Variants in MED27 observed in about 807,000 individuals in gnomAD.
MED27 encodes mediator complex subunit 27.
A neutral mutation model predicts 38.2 loss-of-function variants in MED27; 30 were observed. The observed-to-expected ratio is 0.79, with a 90% CI of 0.59 to 1.07. The LOEUF is 1.07. Among genes scored for constraint, MED27 ranks in the 50% least tolerant of loss-of-function variants. MED27 has a pLI of 0.00. For missense variants in MED27, 289 were observed against 397.5 expected, an observed-to-expected ratio of 0.73 and a Z score of 2.32; for synonymous variants, 122 against 153.5, an observed-to-expected ratio of 0.79 and a Z score of 1.52.
intron 4 of MED27, among the ~76,000 whole-genome samples, chr9:131,898,123 A>T (rs1829865235): frequency 6.9e-6 from 1 of 145,338 alleles, no homozygotes; most frequent in Admixed American, 6.8e-5. Flanking sequence ...TTTTTTGGCA[A>T]GATGACTTCC....
chr9:131,989,126 C>T (rs183266782), intron 3 of MED27, among the ~76,000 whole-genome samples: 1 of 152,274 alleles, frequency 6.6e-6, no homozygotes, highest in Admixed American at 6.5e-5. Context: ...CATTATCTCA[C>T]TTAAACTCTG....
chr9:131,997,516 C>T lies in MED27; in HGVS notation c.479+16821G>A, dbSNP rs751244323. Among the ~76,000 whole-genome samples, 31 of 152,290 alleles carry T rather than the reference C, an allele frequency of 2.0e-4. No homozygotes were observed. Among genetic ancestry groups the T allele is most frequent in the African/African-American group, 1.2e-4 (5 of 41,564 alleles). On this transcript the variant is annotated intron_variant, in intron 3 of 7. Coordinates refer to ENST00000292035, the MANE Select transcript of MED27 (RefSeq NM_004269.4). The surrounding 1 kb of genome is among the most constrained non-coding windows in gnomAD (Gnocchi z 4.0). Reference sequence around the variant, plus strand: ...TGCTGCAGAGATCCCCTGGGTTGACCGAGGCGTTGCCAGCCCTGCACTGTA... The same window carrying T: ...TGCTGCAGAGATCCCCTGGGTTGACTGAGGCGTTGCCAGCCCTGCACTGTA...
At position 132,051,859 on chromosome 9, in the gene MED27, C is replaced by T. The variant is rs1350769649; in HGVS notation, c.348+25583G>A. Among the ~76,000 whole-genome samples, 1 of 152,110 alleles carries T rather than the reference C, an allele frequency of 6.6e-6. No homozygotes were observed. Among genetic ancestry groups the T allele is most frequent in the Non-Finnish European group, 1.5e-5 (1 of 68,028 alleles). On this transcript the variant is annotated intron_variant, in intron 2 of 7. Transcript: ENST00000292035. The surrounding 1 kb of genome is among the most constrained non-coding windows in gnomAD (Gnocchi z 4.2). Reference sequence around the variant, plus strand: ...ATATCACATTAAAACCAGAAGAATCCCGATGGACGAGACTGAGGTGCCAAA... The same window carrying T: ...ATATCACATTAAAACCAGAAGAATCTCGATGGACGAGACTGAGGTGCCAAA...
intron 4 of MED27, among the ~76,000 whole-genome samples, chr9:131,916,507 T>C (rs1830290947): frequency 6.6e-6 from 1 of 152,190 alleles, no homozygotes; most frequent in Non-Finnish European, 1.5e-5. Context: ...TTTGGTAAAA[T>C]ACAAACCCTA....
At chr9:131,930,680 A>G (rs1830568504) in intron 4 of MED27, among the ~76,000 whole-genome samples, 1 of 152,220 alleles carries the variant, frequency 6.6e-6, no homozygotes, top group African/African-American at 2.4e-5. Flanking sequence ...GAAGGTACAA[A>G]ATTTGCTGGT....
chr9:132,005,147 T>C (rs989001299), intron 3 of MED27, among the ~76,000 whole-genome samples: 2 of 152,132 alleles, frequency 1.3e-5, no homozygotes, highest in Non-Finnish European at 2.9e-5. Flanking sequence ...AAAACGGACA[T>C]TTCAGCAACT....
At chr9:132,021,878 C>G (rs1480854030) in intron 2 of MED27, among the ~76,000 whole-genome samples, 1 of 152,188 alleles carries the variant, frequency 6.6e-6, no homozygotes, top group African/African-American at 2.4e-5. Context: ...AGGTGACCAT[C>G]TGCAAACCAG....
At chr9:132,059,041 C>G (rs1833643621) in intron 2 of MED27, among the ~76,000 whole-genome samples, 1 of 152,194 alleles carries the variant, frequency 6.6e-6, no homozygotes, top group African/African-American at 2.4e-5. Flanking sequence ...TAAGCCCACT[C>G]GGGCCCCATT....
Position 131,982,663 on chromosome 9 carries a change from C to A in MED27, c.479+31674G>T, listed in dbSNP as rs1379982608. On this transcript the variant is annotated intron_variant, in intron 3 of 7. Coordinates refer to ENST00000292035, the MANE Select transcript of MED27 (RefSeq NM_004269.4). This position sits in a 1 kb window ranked among gnomAD's most constrained non-coding sequence, Gnocchi z 4.3. ...TACTGATGGGGAGGTGGATTTGAAC[C>A]CAGTCGGTGGGACACTAGAGGTGGT... Among the ~76,000 whole-genome samples, 1 of 152,088 alleles carries A rather than the reference C, an allele frequency of 6.6e-6. No individual in the cohort carries two copies. The highest frequency in any genetic ancestry group is 3.2e-3 in the Middle Eastern group (1 of 316).
At chr9:131,987,537 C>T (rs754775489) in intron 3 of MED27, among the ~76,000 whole-genome samples, 1 of 152,128 alleles carries the variant, frequency 6.6e-6, no homozygotes, top group Admixed American at 6.6e-5. Context: ...AAATCACTAC[C>T]TCCCACTAAA....
intron 2 of MED27, among the ~76,000 whole-genome samples, chr9:132,028,358 ACTTCTCCCACTCAC>A (rs1372123575): frequency 6.6e-6 from 1 of 152,054 alleles, no homozygotes. Flanking sequence ...TTTAGTTTCA[ACTTCTCCCACTCAC>A]CTTCTCCCTG....
chr9:132,014,234 G>C (rs113932625), intron 3 of MED27, 103 bp downstream of exon 3: 4 of 1,273,794 alleles, frequency 3.1e-6, no homozygotes, highest in African/African-American at 3.0e-5. Context: ...GGAAGGGAGG[G>C]AGGGAATTTT....
chr9:131,918,819 G>A (rs1830338520), intron 4 of MED27, among the ~76,000 whole-genome samples: 2 of 152,192 alleles, frequency 1.3e-5, no homozygotes, highest in South Asian at 2.1e-4. Flanking sequence ...CAAGAGTTCA[G>A]AGAATAGAAG....
intron 3 of MED27, among the ~76,000 whole-genome samples, chr9:132,005,775 A>T (rs996790241): frequency 6.6e-6 from 1 of 152,156 alleles, no homozygotes; most frequent in Non-Finnish European, 1.5e-5. Context: ...ATTCCTGGAG[A>T]CAGCTCCGGT....
At chr9:132,019,405 ACTG>A (rs1424592305) in intron 2 of MED27, among the ~76,000 whole-genome samples, 13 of 152,144 alleles carry the variant, frequency 8.5e-5, no homozygotes, top group African/African-American at 3.1e-4. Context: ...AAGCAAACAC[ACTG>A]CTTTCTAGGT....
chr9:132,065,514 G>T (rs1159007505), intron 2 of MED27, among the ~76,000 whole-genome samples: 1 of 152,216 alleles, frequency 6.6e-6, no homozygotes, highest in Non-Finnish European at 1.5e-5. Flanking sequence ...CCCAGTAAGG[G>T]GCTCCTGGGC....
At chr9:132,007,377 G>T (rs1832381840) in intron 3 of MED27, among the ~76,000 whole-genome samples, 1 of 152,150 alleles carries the variant, frequency 6.6e-6, no homozygotes, top group East Asian at 1.9e-4. Context: ...GCAATAAAAT[G>T]GAACCAACCG....
Position 131,892,852 on chromosome 9 carries a change from T to C in MED27, c.681+1033A>G, listed in dbSNP as rs200036846. ...GGTTTTTCCAAAAAGAAAAAGGAAA[T>C]CTCCCCTCAATGAATGATTTGGTAT... On this transcript the variant is annotated intron_variant, in intron 5 of 7. Coordinates refer to ENST00000292035, the MANE Select transcript of MED27 (RefSeq NM_004269.4). Among the ~76,000 whole-genome samples, 20 of 152,202 alleles carry C rather than the reference T, an allele frequency of 1.3e-4. No homozygotes were observed. In the East Asian group the frequency reaches 3.1e-3, roughly 24 times the overall value.
At chr9:131,972,691 A>G (rs1357576043) in intron 3 of MED27, among the ~76,000 whole-genome samples, 2 of 152,246 alleles carry the variant, frequency 1.3e-5, no homozygotes, top group Admixed American at 6.5e-5. Flanking sequence ...GAACAAGGTC[A>G]AGAAGACCCC....
Sources: allele counts gnomAD v4.1 joint callset (sites outside exome capture counted in the v4.1 genomes callset), GRCh38; gene constraint gnomAD v4.1.1; non-coding constraint Gnocchi (gnomAD v3.1); transcripts MANE v1.5; gene names NCBI Gene and HGNC (gene_info 2026-07-23, HGNC 2026-07-21).